KCNAB1: variants seen among roughly 807,000 people sequenced by gnomAD.
KCNAB1 encodes the protein voltage-gated potassium channel subunit beta-1.
KCNAB1 carries 35 observed loss-of-function variants against 64.6 expected under a neutral mutation model. The ratio of observed to expected loss-of-function variants is 0.54; its 90% confidence interval spans 0.41 to 0.72. KCNAB1 has a LOEUF of 0.72. KCNAB1 is among the 30% of genes least tolerant of loss of function. The pLI, the probability that KCNAB1 is intolerant of heterozygous loss-of-function variation, is 0.00. For synonymous variants in KCNAB1, 177 were observed against 183.8 expected (o/e 0.96, Z 0.30); for missense variants, 401 against 512.9 (o/e 0.78, Z 2.11).
At chr3:156,466,241 A>T (rs1203423770) in intron 7 of KCNAB1, among the ~76,000 whole-genome samples, 1 of 152,104 alleles carries the variant, frequency 6.6e-6, no homozygotes, top group African/African-American at 2.4e-5. Context: ...ATGATATATG[A>T]TATTTTGTAA....
intron 1 of KCNAB1, among the ~76,000 whole-genome samples, chr3:156,142,263 T>C (rs1350075209): frequency 3.9e-5 from 6 of 152,214 alleles, no homozygotes; most frequent in Non-Finnish European, 7.4e-5. Context: ...GTTGATGAAA[T>C]CTAATTTATG....
At chr3:156,225,020 A>T (rs1716061289) in intron 1 of KCNAB1, among the ~76,000 whole-genome samples, 1 of 152,194 alleles carries the variant, frequency 6.6e-6, no homozygotes, top group South Asian at 2.1e-4. Context: ...AATCCTATTG[A>T]CACTATTCCA....
intron 1 of KCNAB1, among the ~76,000 whole-genome samples, chr3:156,204,777 G>C (rs1005934214): frequency 2.0e-5 from 3 of 152,096 alleles, no homozygotes; most frequent in African/African-American, 7.2e-5. Context: ...AGGTTGCAAT[G>C]AACCGGATTG....
chr3:156,131,434 A>G (rs896464148), intron 1 of KCNAB1, among the ~76,000 whole-genome samples: 1 of 152,252 alleles, frequency 6.6e-6, no homozygotes, highest in African/African-American at 2.4e-5. Context: ...TTCAGTCTCC[A>G]AAAAATTAAA....
chr3:156,500,702 CAAAT>C (rs561134343), intron 8 of KCNAB1, among the ~76,000 whole-genome samples: 19 of 152,204 alleles, frequency 1.2e-4, no homozygotes, highest in African/African-American at 4.6e-4. Flanking sequence ...TTGGATCTAT[CAAAT>C]AAACCTACAG....
intron 1 of KCNAB1, among the ~76,000 whole-genome samples, chr3:156,195,203 G>A (rs1713837611): frequency 6.6e-6 from 1 of 152,152 alleles, no homozygotes; most frequent in African/African-American, 2.4e-5. Context: ...CATTTGAGTA[G>A]GTTCCAAGTG....
At chr3:156,298,345 G>A (rs552667546) in intron 1 of KCNAB1, among the ~76,000 whole-genome samples, 16 of 152,304 alleles carry the variant, frequency 1.1e-4, no homozygotes, top group Admixed American at 2.6e-4. Context: ...TTCCGGAAAC[G>A]GCTAGTTTTC....
At chr3:156,485,541 G>A (rs551542096) in intron 8 of KCNAB1, among the ~76,000 whole-genome samples, 13 of 151,522 alleles carry the variant, frequency 8.6e-5, no homozygotes, top group African/African-American at 1.7e-4. Context: ...TGCTTTTTTG[G>A]GGGGGGCATG....
chr3:156,122,545 A>G (rs1351612229), intron 1 of KCNAB1, among the ~76,000 whole-genome samples: 1 of 152,214 alleles, frequency 6.6e-6, no homozygotes, highest in East Asian at 1.9e-4. Context: ...CACTTAAACA[A>G]TAATATTTTG....
At chr3:156,128,176 G>C (rs1439859095) in intron 1 of KCNAB1, among the ~76,000 whole-genome samples, 1 of 152,162 alleles carries the variant, frequency 6.6e-6, no homozygotes, top group Non-Finnish European at 1.5e-5. Flanking sequence ...TCATAAGTAA[G>C]GTTTTTAAAG....
At chr3:156,405,227 G>A (rs868819245) in intron 1 of KCNAB1, among the ~76,000 whole-genome samples, 4 of 152,222 alleles carry the variant, frequency 2.6e-5, no homozygotes, top group Non-Finnish European at 4.4e-5. Flanking sequence ...ACCCTGAGAA[G>A]TCACGGTCCC....
chr3:156,523,418 A>G (rs779314519), intron 11 of KCNAB1, among the ~76,000 whole-genome samples: 1 of 152,212 alleles, frequency 6.6e-6, no homozygotes, highest in African/African-American at 2.4e-5. Flanking sequence ...CTTGGCACCC[A>G]GCTTTCTTAA....
chr3:156,253,487 A>C (rs918964662), intron 1 of KCNAB1, among the ~76,000 whole-genome samples: 5 of 152,246 alleles, frequency 3.3e-5, no homozygotes, highest in African/African-American at 1.2e-4. Context: ...CAGAATCAAC[A>C]CAGACCACAA....
At chr3:156,305,373 G>C (rs997483925) in intron 1 of KCNAB1, among the ~76,000 whole-genome samples, 5 of 152,188 alleles carry the variant, frequency 3.3e-5, no homozygotes, top group Non-Finnish European at 5.9e-5. Context: ...GATCAATAAA[G>C]GATTGCAGGA....
intron 1 of KCNAB1, among the ~76,000 whole-genome samples, chr3:156,354,120 G>GTATATATATATATATATATA (rs34730584): frequency 7.5e-5 from 10 of 132,560 alleles, no homozygotes; most frequent in Non-Finnish European, 1.3e-4. Flanking sequence ...ATGTGTGTGT[G>GTATATATATATATATATATA]TATATATATA....
intron 1 of KCNAB1, among the ~76,000 whole-genome samples, chr3:156,269,743 A>G (rs539904500): frequency 8.6e-5 from 13 of 152,004 alleles, no homozygotes; most frequent in Admixed American, 7.2e-4. Flanking sequence ...GTCTCTTTCT[A>G]TAGTTTTTGT....
At chr3:156,275,270 T>C (rs575680962) in intron 1 of KCNAB1, among the ~76,000 whole-genome samples, 4 of 152,350 alleles carry the variant, frequency 2.6e-5, no homozygotes, top group Admixed American at 1.3e-4. Context: ...TAAAAAGTAA[T>C]GTACACACCT....
At chr3:156,258,984 A>G (rs542369848) in intron 1 of KCNAB1, among the ~76,000 whole-genome samples, 2 of 152,336 alleles carry the variant, frequency 1.3e-5, no homozygotes, top group African/African-American at 2.4e-5. Context: ...TCGGCTTCCA[A>G]TTGGTCTTTG....
intron 8 of KCNAB1, among the ~76,000 whole-genome samples, chr3:156,502,955 G>T (rs1716549172): frequency 6.6e-6 from 1 of 151,990 alleles, no homozygotes; most frequent in Middle Eastern, 3.2e-3. Context: ...TAAACTGATG[G>T]GTTTACTTTC....
Sources: gnomAD v4.1 joint callset for allele counts (sites outside exome capture counted in the v4.1 genomes callset) on GRCh38, gnomAD v4.1.1 for gene constraint, MANE v1.5 for transcripts, NCBI Gene and HGNC (gene_info 2026-07-23, HGNC 2026-07-21) for gene names.